SFMBT2: variants seen among roughly 807,000 people sequenced by gnomAD.
SFMBT2 encodes the protein scm-like with four MBT domains protein 2.
SFMBT2 carries 38 observed loss-of-function variants against 110.1 expected under a neutral mutation model. That is an observed-to-expected ratio of 0.35 (90% CI 0.27 to 0.45). The LOEUF (loss-of-function observed/expected upper bound fraction) is 0.45, where lower values mean the gene tolerates loss of function less well. SFMBT2 is among the 20% of genes least tolerant of loss of function. SFMBT2 has a pLI of 1.00. For missense variants in SFMBT2, 1,011 were observed against 1,094.9 expected (o/e 0.92, Z 1.08); for synonymous variants, 425 against 425.4 (o/e 1.00, Z 0.01).
chr10:7,348,288 T>C, intron 4 of SFMBT2: 3 of 1,523,770 alleles, frequency 2.0e-6, no homozygotes, highest in East Asian at 2.5e-5. Flanking sequence ...CATCCTTTTC[T>C]AAGAAATATG....
At chr10:7,231,763 C>T (rs190208286) in intron 9 of SFMBT2, among the ~76,000 whole-genome samples, 11 of 152,228 alleles carry the variant, frequency 7.2e-5, no homozygotes, top group African/African-American at 2.6e-4. Context: ...TCCTCTGTCC[C>T]CTCCTCCTCC....
At chr10:7,190,884 C>T (rs1287458619) in intron 15 of SFMBT2, among the ~76,000 whole-genome samples, 1 of 152,264 alleles carries the variant, frequency 6.6e-6, no homozygotes, top group Non-Finnish European at 1.5e-5. Flanking sequence ...GTGGGAGGAA[C>T]CTTGTGGGAG....
At chr10:7,243,395 C>G (rs1840498918) in intron 9 of SFMBT2, among the ~76,000 whole-genome samples, 163 bp downstream of exon 9, 1 of 152,194 alleles carries the variant, frequency 6.6e-6, no homozygotes, top group African/African-American at 2.4e-5. Flanking sequence ...GGGGATGGAG[C>G]TGTAACTGAC....
chr10:7,247,546 T>A (rs1477896153), intron 8 of SFMBT2, among the ~76,000 whole-genome samples: 1 of 152,236 alleles, frequency 6.6e-6, no homozygotes, highest in East Asian at 1.9e-4. Context: ...ATTATCACAC[T>A]ACTAAATTCC....
rs548543673 is a variant in SFMBT2 at position 7,302,382 on chromosome 10, G to A, written c.437-16428C>T. ...ATTTGCTTCAATAGCAATGCTGTGG[G>A]GATTCACATTAACTAGTTAGCCACA... On this transcript the variant is annotated intron_variant, in intron 4 of 20. Transcript: ENST00000397167. Among the ~76,000 whole-genome samples the A allele has an allele frequency of 2.0e-5, 3 of 152,242 alleles. No homozygotes were observed. In the South Asian group the frequency reaches 6.2e-4, roughly 32 times the overall value.
intron 7 of SFMBT2, among the ~76,000 whole-genome samples, chr10:7,271,684 G>A (rs1409847249): frequency 6.6e-6 from 1 of 152,182 alleles, no homozygotes; most frequent in Non-Finnish European, 1.5e-5. Flanking sequence ...TGATAAAGAT[G>A]TACCCGAGAC....
At chr10:7,197,978 T>C (rs1308261461) in intron 14 of SFMBT2, 1 of 984,118 alleles carries the variant, frequency 1.0e-6, no homozygotes, top group Non-Finnish European at 1.2e-6. Context: ...AAAGAGGCGC[T>C]GTGTCCTAAT....
chr10:7,235,630 C>T (rs1163448234), intron 9 of SFMBT2, among the ~76,000 whole-genome samples: 2 of 151,926 alleles, frequency 1.3e-5, no homozygotes, highest in Non-Finnish European at 2.9e-5. Context: ...ACACACACCC[C>T]ACATACACAC....
intron 1 of SFMBT2, among the ~76,000 whole-genome samples, chr10:7,385,890 C>A (rs1845590457): frequency 1.3e-5 from 2 of 152,240 alleles, no homozygotes; most frequent in South Asian, 4.1e-4. Flanking sequence ...GTCCCAGCTA[C>A]TCAGGAGACT....
At chr10:7,223,067 T>A (rs1839797090) in intron 10 of SFMBT2, among the ~76,000 whole-genome samples, 2 of 152,178 alleles carry the variant, frequency 1.3e-5, no homozygotes, top group Admixed American at 1.3e-4. Flanking sequence ...ACTCACATGC[T>A]GAGGTATTGG....
chr10:7,184,321 G>C (rs539586001), intron 16 of SFMBT2, among the ~76,000 whole-genome samples: 2 of 152,214 alleles, frequency 1.3e-5, no homozygotes, highest in South Asian at 4.1e-4. Context: ...TTTTCCTGTG[G>C]TAGTGAATAA....
chr10:7,387,562 G>A (rs187531038), intron 1 of SFMBT2, among the ~76,000 whole-genome samples: 10 of 151,862 alleles, frequency 6.6e-5, no homozygotes, highest in Non-Finnish European at 1.3e-4. Context: ...TGGGTGGGCC[G>A]GGGGGTGCAT....
intron 11 of SFMBT2, chr10:7,206,246 G>A: frequency 1.0e-6 from 1 of 985,428 alleles, no homozygotes; most frequent in African/African-American, 1.7e-5. Context: ...TGGCATCGGA[G>A]CAGGATTGGC....
chr10:7,234,049 CT>C (rs1306993233), intron 9 of SFMBT2, among the ~76,000 whole-genome samples: 1 of 152,232 alleles, frequency 6.6e-6, no homozygotes, highest in Non-Finnish European at 1.5e-5. Flanking sequence ...ATGCTGTTTG[CT>C]AAAAAACTAC....
intron 2 of SFMBT2, 49 bp from the exon 3 acceptor site, chr10:7,370,424 A>C (rs749004756): frequency 1.3e-5 from 19 of 1,486,628 alleles, no homozygotes; most frequent in Non-Finnish European, 1.7e-5. Context: ...TGGAGGACAG[A>C]AAGGTGCTGG....
intron 7 of SFMBT2, chr10:7,249,663 C>T (rs1721635256): frequency 3.9e-6 from 2 of 513,424 alleles, no homozygotes; most frequent in Admixed American, 6.4e-5. Flanking sequence ...CTGAGGACTG[C>T]ACAGAGCCCA....
intron 7 of SFMBT2, among the ~76,000 whole-genome samples, chr10:7,269,752 GTGTGTGTC>G (rs1306709682): frequency 0.013 from 1,750 of 135,192 alleles, 18 homozygotes; most frequent in South Asian, 0.04. Context: ...GTGTGTGTGT[GTGTGTGTC>G]TCTTTTTGGA....
chr10:7,353,798 A>G (rs906148220), intron 4 of SFMBT2, among the ~76,000 whole-genome samples: 16 of 152,200 alleles, frequency 1.1e-4, no homozygotes, highest in Admixed American at 9.8e-4. Flanking sequence ...AAAATTATAC[A>G]TAATAGGCCA....
intron 9 of SFMBT2, among the ~76,000 whole-genome samples, chr10:7,240,702 T>C (rs575850846): frequency 1.3e-5 from 2 of 152,274 alleles, no homozygotes; most frequent in African/African-American, 4.8e-5. Flanking sequence ...TTCTGTCTCA[T>C]CTGATAAGCA....
Sources: gnomAD v4.1 joint callset for allele counts (sites outside exome capture counted in the v4.1 genomes callset) on GRCh38, gnomAD v4.1.1 for gene constraint, MANE v1.5 for transcripts, NCBI Gene and HGNC (gene_info 2026-07-23, HGNC 2026-07-21) for gene names.